The following WDR70 variants were observed in gnomAD, a reference collection of about 807,000 sequenced individuals.
WDR70 encodes the protein WD repeat domain 70.
In WDR70, 53 loss-of-function variants were observed where a neutral mutation model predicts 88.6. The observed-to-expected ratio is 0.60, with a 90% CI of 0.48 to 0.75. The LOEUF (loss-of-function observed/expected upper bound fraction) is 0.75, where lower values mean the gene tolerates loss of function less well. WDR70 is among the 30% of genes least tolerant of loss of function. The probability of loss-of-function intolerance (pLI) is 0.00; values close to 1 mark genes in which losing one functional copy is unlikely to be tolerated. For synonymous variants in WDR70, 280 were observed against 270.0 expected (o/e 1.04, Z -0.36); for missense variants, 610 against 823.2 (o/e 0.74, Z 3.17).
At chr5:37,554,678 G>GCACACACACA (rs3068425) in intron 9 of WDR70, among the ~76,000 whole-genome samples, 73 of 147,764 alleles carry the variant, frequency 4.9e-4, no homozygotes, top group Admixed American at 1.0e-3. Context: ...GCACCTGCAC[G>GCACACACACA]CACACACACA....
intron 9 of WDR70, among the ~76,000 whole-genome samples, chr5:37,530,442 T>A (rs1741446485): frequency 6.6e-6 from 1 of 152,096 alleles, no homozygotes; most frequent in Non-Finnish European, 1.5e-5. Context: ...TAGATTTTTT[T>A]TCGTTGGCAA....
At chr5:37,538,132 G>C (rs751288729) in intron 9 of WDR70, among the ~76,000 whole-genome samples, 2 of 152,094 alleles carry the variant, frequency 1.3e-5, no homozygotes, top group Non-Finnish European at 2.9e-5. Flanking sequence ...ACTTTATTGA[G>C]GGCTATTTAG....
At position 37,747,261 on chromosome 5, in the gene WDR70, G is replaced by A. The variant is rs761221860; in HGVS notation, c.1878-5225G>A. Among the ~76,000 whole-genome samples, 13 of 151,880 alleles carry A rather than the reference G, an allele frequency of 8.6e-5. No individual in the cohort carries two copies. The South Asian group carries it at 1.0e-3, about 12-fold the overall frequency. ...GAAGACATTTACGTGGCCAACAAAC[G>A]TATGAAAAGAAGCTCAACATCACTG... On this transcript the variant is annotated intron_variant, in intron 17 of 17. Coordinates refer to ENST00000265107, the MANE Select transcript of WDR70 (RefSeq NM_018034.4).
rs192790683 is a variant in WDR70, at chr5:37,426,229, G to A, written c.493-11693G>A. ...GATTGTGATAGGAAAAAAATGTGTG[G>A]TCAATTGTATCAGAATTAGATGAAG... is the stretch of plus-strand genomic sequence containing the variant. On this transcript the variant is annotated intron_variant, in intron 5 of 17. Transcript: ENST00000265107. Among the ~76,000 whole-genome samples, 7 of 152,242 alleles carry A rather than the reference G, an allele frequency of 4.6e-5. No homozygotes were observed. The East Asian group carries it at 1.4e-3, about 29-fold the overall frequency.
At chr5:37,430,447 AAATG>A (rs1307017205) in intron 5 of WDR70, among the ~76,000 whole-genome samples, 6 of 152,240 alleles carry the variant, frequency 3.9e-5, no homozygotes, top group Non-Finnish European at 8.8e-5. Context: ...ATGGTAAAGA[AAATG>A]AAAGACTAGT....
intron 9 of WDR70, among the ~76,000 whole-genome samples, chr5:37,554,678 G>GCACACACACACACACGCA (rs1742246513): frequency 6.8e-6 from 1 of 147,670 alleles, no homozygotes; most frequent in South Asian, 2.2e-4. Flanking sequence ...GCACCTGCAC[G>GCACACACACACACACGCA]CACACACACA....
chr5:37,607,182 T>A (rs1341061167), intron 10 of WDR70, among the ~76,000 whole-genome samples: 2 of 151,662 alleles, frequency 1.3e-5, no homozygotes, highest in Non-Finnish European at 2.9e-5. Flanking sequence ...GCCTCAGGGA[T>A]CCACCCACCT....
At chr5:37,700,432 G>A (rs72743167) in intron 11 of WDR70, 4,804 of 152,246 alleles carry the variant, frequency 0.032, 102 homozygotes, top group Middle Eastern at 0.11. Flanking sequence ...CTGCCAAAGC[G>A]AACACAAAAA....
chr5:37,527,128 CTACTTT>C (rs1465316531), intron 9 of WDR70, among the ~76,000 whole-genome samples: 3,369 of 152,140 alleles, frequency 0.022, 128 homozygotes, highest in African/African-American at 0.077. Context: ...TGGAAAAAAA[CTACTTT>C]TAAAGTTTAT....
chr5:37,650,157 G>A (rs1250034264), intron 10 of WDR70, among the ~76,000 whole-genome samples: 1 of 150,802 alleles, frequency 6.6e-6, no homozygotes, highest in Non-Finnish European at 1.5e-5. Context: ...CAGCACTTTG[G>A]GAGGCCAAGG....
chr5:37,447,184 A>G (rs186432933), intron 7 of WDR70, among the ~76,000 whole-genome samples: 175 of 152,364 alleles, frequency 1.1e-3, no homozygotes, highest in African/African-American at 3.8e-3. Context: ...GACACATGAA[A>G]AAATGCTCAT....
Position 37,617,693 on chromosome 5 carries a change from A to G in WDR70, c.1092+12455A>G, listed in dbSNP as rs116202306. Among the ~76,000 whole-genome samples the G allele has an allele frequency of 5.4e-4, 82 of 152,294 alleles. 1 individual carries two copies. Among genetic ancestry groups the G allele is most frequent in the African/African-American group, 1.9e-3 (81 of 41,550 alleles). ...GGTATGTAAACCATCCATAGCAGGG[A>G]CTTGATAAGTATTTGTTGAATTAAA... On this transcript the variant is annotated intron_variant, in intron 10 of 17. Transcript: ENST00000265107.
At chr5:37,585,040 G>C (rs1743326262) in intron 9 of WDR70, among the ~76,000 whole-genome samples, 1 of 149,564 alleles carries the variant, frequency 6.7e-6, no homozygotes, top group African/African-American at 2.5e-5. Context: ...GCCTAGGCTG[G>C]AATGCCATGG....
chr5:37,575,904 TAGAC>T (rs1430186726), intron 9 of WDR70, among the ~76,000 whole-genome samples: 1 of 152,284 alleles, frequency 6.6e-6, no homozygotes, highest in Admixed American at 6.5e-5. Context: ...TAACTCCAGT[TAGAC>T]AGTGTCAGAA....
At chr5:37,551,070 G>A (rs1039552044) in intron 9 of WDR70, among the ~76,000 whole-genome samples, 3 of 151,954 alleles carry the variant, frequency 2.0e-5, no homozygotes, top group Non-Finnish European at 2.9e-5. Flanking sequence ...TTTGGGAGGC[G>A]AGGCAGGTGG....
At chr5:37,647,658 G>C (rs978417985) in intron 10 of WDR70, among the ~76,000 whole-genome samples, 1 of 152,194 alleles carries the variant, frequency 6.6e-6, no homozygotes, top group African/African-American at 2.4e-5. Flanking sequence ...GGTGATCTTG[G>C]ATAAGATCTG....
At chr5:37,588,953 C>T (rs538402187) in intron 9 of WDR70, among the ~76,000 whole-genome samples, 14 of 151,936 alleles carry the variant, frequency 9.2e-5, no homozygotes, top group South Asian at 2.1e-4. Flanking sequence ...TTAGTGGAGA[C>T]GGGGTTTCAC....
In WDR70 at chr5:37,514,339, CATAT is replaced by C. The variant is rs70978826; in HGVS notation, c.841-2158_841-2155del. 7.8e-3 allele frequency among the ~76,000 whole-genome samples: 224 copies of C among 28,752 alleles called. 25 individuals are homozygous for C. The East Asian group carries it at 0.12, about 16-fold the overall frequency. 18.9% of individuals were successfully genotyped at this position (28,752 alleles called of 152,430 possible). A position where few individuals can be genotyped will look rare whatever the true frequency, so the allele number is the denominator to read the frequency against. ...CGACATTATGGCATATTTAGAACTA[CATAT>C]ATATATATATATATATGTATGTATG... On this transcript the variant is annotated intron_variant, in intron 8 of 17. Transcript: ENST00000265107.
At chr5:37,657,663 G>C (rs1745594917) in intron 10 of WDR70, among the ~76,000 whole-genome samples, 1 of 152,326 alleles carries the variant, frequency 6.6e-6, no homozygotes, top group Non-Finnish European at 1.5e-5. Flanking sequence ...CTGGGCATCA[G>C]ATGTATATTG....
Sources: allele counts gnomAD v4.1 joint callset (sites outside exome capture counted in the v4.1 genomes callset), GRCh38; gene constraint gnomAD v4.1.1; transcripts MANE v1.5; gene names NCBI Gene and HGNC (gene_info 2026-07-23, HGNC 2026-07-21).